CMSS1: variants seen among roughly 807,000 people sequenced by gnomAD.
CMSS1 encodes protein CMSS1.
CMSS1 carries 33 observed loss-of-function variants against 43.5 expected under a neutral mutation model. The observed-to-expected ratio is 0.76, with a 90% CI of 0.57 to 1.01. The LOEUF is 1.01. CMSS1 is among the 50% of genes least tolerant of loss of function. The pLI, the probability that CMSS1 is intolerant of heterozygous loss-of-function variation, is 0.00. For synonymous variants in CMSS1, 115 were observed against 117.2 expected (o/e 0.98, Z 0.12); for missense variants, 313 against 326.4 (o/e 0.96, Z 0.32).
chr3:99,832,238 T>TA (rs1942695003), intron 1 of CMSS1, among the ~76,000 whole-genome samples: 1 of 151,326 alleles, frequency 6.6e-6, no homozygotes, highest in Non-Finnish European at 1.5e-5. Context: ...AATCTTTTTT[T>TA]TTTTTTTTTT....
At chr3:99,837,139 G>A (rs114189461) in intron 1 of CMSS1, among the ~76,000 whole-genome samples, 1,760 of 152,180 alleles carry the variant, frequency 0.012, 19 homozygotes, top group African/African-American at 0.026. Flanking sequence ...TTATAATCAG[G>A]AAATTTCATA....
At chr3:99,896,824 A>C (rs1224649347) in intron 1 of CMSS1, among the ~76,000 whole-genome samples, 1 of 152,232 alleles carries the variant, frequency 6.6e-6, no homozygotes, top group Non-Finnish European at 1.5e-5. Flanking sequence ...TTGCCTACTA[A>C]TAAATTGAAA....
rs9879823 is a variant in CMSS1 at position 99,983,544 on chromosome 3, G to A, written c.65-163429G>A. On this transcript the variant is annotated intron_variant, in intron 1 of 9. Coordinates refer to ENST00000421999, the MANE Select transcript of CMSS1 (RefSeq NM_032359.4). The stretch of plus-strand genomic sequence containing the variant: ...TACACACACAAAAAGAAAAAAATTA[G>A]CCAGGTGTGGTGGCAGGTACCTGTA... 3.7e-3 allele frequency among the ~76,000 whole-genome samples: 498 copies of A among 135,188 alleles called. 4 individuals carry two copies. The highest frequency in any genetic ancestry group is 0.013 in the African/African-American group (465 of 36,126). 88.7% of individuals were successfully genotyped at this position (135,188 alleles called of 152,430 possible). A position where few individuals can be genotyped will look rare whatever the true frequency, so the allele number is the denominator to read the frequency against.
rs28508384 is a variant in CMSS1, at chr3:99,840,376, A to G, written c.64+22333A>G. Among the ~76,000 whole-genome samples, 667 of 152,050 alleles carry G rather than the reference A, an allele frequency of 4.4e-3. 5 individuals are homozygous for G. Among genetic ancestry groups the G allele is most frequent in the African/African-American group, 0.015 (625 of 41,490 alleles). On this transcript the variant is annotated intron_variant, in intron 1 of 9. Coordinates refer to ENST00000421999, the MANE Select transcript of CMSS1 (RefSeq NM_032359.4). ...GTAGCTGGGATTACAGGTGCCCACC[A>G]CCATGCCCGGCTAATTTTTGTATTT...
chr3:99,950,193 A>G (rs1013624236), intron 1 of CMSS1, among the ~76,000 whole-genome samples: 1 of 152,026 alleles, frequency 6.6e-6, no homozygotes, highest in African/African-American at 2.4e-5. Context: ...TTACTTCCTT[A>G]TCTATATTTT....
intron 1 of CMSS1, among the ~76,000 whole-genome samples, chr3:99,992,756 T>G (rs77489882): frequency 0.012 from 1,829 of 152,144 alleles, 23 homozygotes; most frequent in African/African-American, 0.027. Context: ...ATGTCTACAG[T>G]AGTTTTTCTT....
chr3:99,881,441 C>T (rs1279168365), intron 1 of CMSS1, among the ~76,000 whole-genome samples: 5 of 152,182 alleles, frequency 3.3e-5, no homozygotes, highest in African/African-American at 4.8e-5. Context: ...AGGTCATCTT[C>T]CCTGTCCCTT....
chr3:100,019,902 T>A (rs1185605790), intron 1 of CMSS1, among the ~76,000 whole-genome samples: 1 of 152,200 alleles, frequency 6.6e-6, no homozygotes, highest in Non-Finnish European at 1.5e-5. Flanking sequence ...TTTTTTTCAC[T>A]TAAAGGAAGT....
intron 1 of CMSS1, among the ~76,000 whole-genome samples, chr3:99,963,527 T>C (rs1708554881): frequency 6.6e-6 from 1 of 152,148 alleles, no homozygotes; most frequent in Admixed American, 6.5e-5. Context: ...AGAATGTTGA[T>C]TGAGCGGGAT....
At chr3:99,968,019 C>T (rs1208476603) in intron 1 of CMSS1, among the ~76,000 whole-genome samples, 1 of 152,196 alleles carries the variant, frequency 6.6e-6, no homozygotes, top group African/African-American at 2.4e-5. Flanking sequence ...AAGCAGTATG[C>T]TGTTCACAGA....
At chr3:100,010,484 A>G (rs975936744) in intron 1 of CMSS1, among the ~76,000 whole-genome samples, 4 of 152,156 alleles carry the variant, frequency 2.6e-5, no homozygotes, top group Non-Finnish European at 5.9e-5. Flanking sequence ...AGAAAGGACC[A>G]TGCTTACTTC....
intron 1 of CMSS1, among the ~76,000 whole-genome samples, chr3:99,939,941 A>G (rs975666916): frequency 1.3e-5 from 2 of 152,192 alleles, no homozygotes; most frequent in African/African-American, 4.8e-5. Context: ...TTAGTTTGGA[A>G]GTGTTCTTTG....
At chr3:100,048,872 A>T (rs1225360505) in intron 1 of CMSS1, among the ~76,000 whole-genome samples, 1 of 152,184 alleles carries the variant, frequency 6.6e-6, no homozygotes, top group South Asian at 2.1e-4. Context: ...TATAAGGTTG[A>T]TATGATGGCC....
At chr3:99,949,960 T>C (rs1459641339) in intron 1 of CMSS1, among the ~76,000 whole-genome samples, 1 of 152,194 alleles carries the variant, frequency 6.6e-6, no homozygotes, top group Non-Finnish European at 1.5e-5. Flanking sequence ...TTGGATATCA[T>C]TAATTATTTC....
intron 1 of CMSS1, among the ~76,000 whole-genome samples, chr3:99,943,305 A>T (rs1707906576): frequency 6.6e-6 from 1 of 152,194 alleles, no homozygotes; most frequent in Non-Finnish European, 1.5e-5. Context: ...GTCAGCCCTG[A>T]CACTTTTTCA....
At chr3:100,094,600 G>A (rs994787339) in intron 1 of CMSS1, among the ~76,000 whole-genome samples, 10 of 150,610 alleles carry the variant, frequency 6.6e-5, no homozygotes, top group African/African-American at 2.4e-4. Context: ...GTTTAAGGTG[G>A]TAGACTTGAG....
At chr3:100,106,255 G>A (rs2107467160) in intron 1 of CMSS1, among the ~76,000 whole-genome samples, 1 of 152,202 alleles carries the variant, frequency 6.6e-6, no homozygotes, top group Non-Finnish European at 1.5e-5. Context: ...TTCCAGCTGT[G>A]GAATACTCTC....
At chr3:100,058,942 G>T (rs1458290078) in intron 1 of CMSS1, among the ~76,000 whole-genome samples, 1 of 152,348 alleles carries the variant, frequency 6.6e-6, no homozygotes, top group East Asian at 1.9e-4. Context: ...AGTTTGGACA[G>T]CATGGAGAAG....
intron 1 of CMSS1, among the ~76,000 whole-genome samples, chr3:99,996,784 G>A (rs905270810): frequency 6.6e-6 from 1 of 151,878 alleles, no homozygotes; most frequent in Non-Finnish European, 1.5e-5. Context: ...ACAGTATGGG[G>A]AAAACCGGCC....
Sources: allele counts gnomAD v4.1 joint callset (sites outside exome capture counted in the v4.1 genomes callset), GRCh38; gene constraint gnomAD v4.1.1; transcripts MANE v1.5; gene names NCBI Gene and HGNC (gene_info 2026-07-23, HGNC 2026-07-21).